FHAD1: variants seen among roughly 807,000 people sequenced by gnomAD.
FHAD1 encodes the protein forkhead-associated domain-containing protein 1.
A neutral mutation model predicts 191.3 loss-of-function variants in FHAD1; 146 were observed. The ratio of observed to expected loss-of-function variants is 0.76; its 90% CI spans 0.67 to 0.88. FHAD1 has a LOEUF of 0.88. Among genes scored for constraint, FHAD1 ranks in the 40% least tolerant of loss-of-function variants. The pLI, the probability that FHAD1 is intolerant of heterozygous loss-of-function variation, is 0.00. For synonymous variants in FHAD1, 616 were observed against 672.3 expected (o/e 0.92, Z 1.29); for missense variants, 1,635 against 1,785.8 (o/e 0.92, Z 1.52).
At chr1:15,308,509 A>G (rs540318767) in intron 6 of FHAD1, 104 bp from the exon 7 acceptor site, 1 of 1,474,114 alleles carries the variant, frequency 6.8e-7, no homozygotes, top group African/African-American at 1.4e-5. Context: ...CCAACACCCC[A>G]GCCAAAACTC....
In FHAD1 at chr1:15,330,929, A is replaced by G. The variant is rs533711326; in HGVS notation, c.1906+1388A>G. The stretch of plus-strand genomic sequence containing the variant: ...AGGGTGGGCAGCATGGTGCCCCAGG[A>G]GCCACTTGGCGGGCTGCCGTAAGAG... On this transcript the variant is annotated intron_variant, in intron 14 of 33. Coordinates refer to ENST00000688493, the MANE Select transcript of FHAD1 (RefSeq NM_001391957.1). Among the ~76,000 whole-genome samples the G allele has an allele frequency of 1.2e-4, 19 of 152,214 alleles. 1 individual carries two copies. Among genetic ancestry groups the G allele is most frequent in the Admixed American group, 9.8e-4 (15 of 15,296 alleles).
intron 5 of FHAD1, among the ~76,000 whole-genome samples, chr1:15,297,084 C>T (rs992887942): frequency 6.6e-6 from 1 of 152,200 alleles, no homozygotes; most frequent in African/African-American, 2.4e-5. Flanking sequence ...CATCACTTAA[C>T]AATGAGGAAA....
At chr1:15,286,333 T>C (rs910319471) in intron 3 of FHAD1, among the ~76,000 whole-genome samples, 3 of 152,000 alleles carry the variant, frequency 2.0e-5, no homozygotes, top group African/African-American at 7.3e-5. Flanking sequence ...CAAAACCCCA[T>C]TTCTACAAAA....
At chr1:15,297,054 A>C (rs977389128) in intron 5 of FHAD1, among the ~76,000 whole-genome samples, 2 of 152,224 alleles carry the variant, frequency 1.3e-5, no homozygotes, top group African/African-American at 4.8e-5. Flanking sequence ...GCTGTCTTCA[A>C]AATAGGTTTT....
At chr1:15,245,409 T>G (rs1645897197), upstream of FHAD1, among the ~76,000 whole-genome samples, 1 of 152,246 alleles carries the variant, frequency 6.6e-6, no homozygotes, top group African/African-American at 2.4e-5. Context: ...TTATTAGATT[T>G]CATGGTGGTT....
intron 22 of FHAD1, among the ~76,000 whole-genome samples, chr1:15,360,955 C>T (rs1694599770): frequency 6.6e-6 from 1 of 152,190 alleles, no homozygotes; most frequent in Non-Finnish European, 1.5e-5. Context: ...GACACACAGG[C>T]TACCGGGGCT....
At position 15,369,157 on chromosome 1, in the gene FHAD1, C is replaced by G. The variant is rs12758011; in HGVS notation, c.3315-213C>G. On this transcript the variant is annotated intron_variant, in intron 25 of 33. Transcript: ENST00000688493. ...AGCCACAGCAGGTGTCTTCAGCCCCCGTGCAGGAACCAAGGGCAGGTGTTC... is the reference window on the plus strand; with the variant it reads ...AGCCACAGCAGGTGTCTTCAGCCCCGGTGCAGGAACCAAGGGCAGGTGTTC... Among the ~76,000 whole-genome samples the G allele has an allele frequency of 2.4e-3, 369 of 152,282 alleles. 1 individual carries two copies. The highest frequency in any genetic ancestry group is 3.7e-3 in the Admixed American group (56 of 15,296).
At position 15,309,931 on chromosome 1, in the gene FHAD1, C is replaced by T. The variant is rs182564601; in HGVS notation, c.1039+1195C>T. Among the ~76,000 whole-genome samples, 380 of 152,094 alleles carry T rather than the reference C, an allele frequency of 2.5e-3. 6 individuals are homozygous for T. In the East Asian group the frequency reaches 0.028, roughly 11 times the overall value. On this transcript the variant is annotated intron_variant, in intron 7 of 33. Coordinates refer to ENST00000688493, the MANE Select transcript of FHAD1 (RefSeq NM_001391957.1). ...GCCACGGTGTTGGATCAACTGCCGG[C>T]GAGTGTGGCTGGAGTCAGGGAACAA... is the stretch of plus-strand genomic sequence containing the variant.
At chr1:15,333,877 G>C (rs1424070992) in intron 14 of FHAD1, among the ~76,000 whole-genome samples, 1 of 116,312 alleles carries the variant, frequency 8.6e-6, no homozygotes, top group East Asian at 2.7e-4. Context: ...TTGTTGCCCA[G>C]ACTGGAGTGC....
chr1:15,325,722 G>A lies in FHAD1; in HGVS notation c.1473+1163G>A, dbSNP rs1164356196. 1 of 152,372 alleles carries A rather than the reference G, an allele frequency of 6.6e-6. No homozygotes were observed. Among genetic ancestry groups the A allele is most frequent in the African/African-American group, 2.4e-5 (1 of 41,436 alleles). 9.4% of individuals were successfully genotyped at this position (152,372 alleles called of 1,614,324 possible). ...CCCAAGGGCCAAGGTTCTTGTTATA[G>A]CTCTGGGCAGAGGTCATCCAGGAGG... is the stretch of plus-strand genomic sequence containing the variant. On this transcript the variant is annotated intron_variant, in intron 11 of 33. Transcript: ENST00000688493. The surrounding 1 kb of genome is among the most constrained non-coding windows in gnomAD (Gnocchi z 4.6).
intron 3 of FHAD1, among the ~76,000 whole-genome samples, chr1:15,274,336 G>A (rs1657406333): frequency 6.6e-6 from 1 of 152,170 alleles, no homozygotes; most frequent in African/African-American, 2.4e-5. Flanking sequence ...GGCCAGGCAT[G>A]GTGGCTCACA....
At chr1:15,292,144 TTTTCTTTTTTTC>T (rs1338849491) in intron 4 of FHAD1, among the ~76,000 whole-genome samples, 1 of 145,020 alleles carries the variant, frequency 6.9e-6, no homozygotes, top group African/African-American at 2.9e-5. Flanking sequence ...CCTTCTTTTC[TTTTCTTTTTTTC>T]TTTCTTTTAG....
chr1:15,391,211 G>C lies in FHAD1; in HGVS notation c.4271G>C (p.Arg1424Thr), dbSNP rs1429170656. Reference sequence around the variant, plus strand: ...GTTCTTATTCTTTCTGTATTGAAGAGACGAGTATTTGTAGAGATGGTGAAG... The same window carrying C: ...GTTCTTATTCTTTCTGTATTGAAGACACGAGTATTTGTAGAGATGGTGAAG... ...NCAFKEKDRQ[R>T]RVFVEMVKNR... The change falls in exon 33 of 34, where the codon AGA becomes ACA. Residue 1424 changes from arginine to threonine, a missense_variant and splice_region_variant. By Grantham distance (71) the Arg-to-Thr change is moderately conservative. Coordinates refer to ENST00000688493, the MANE Select transcript of FHAD1 (RefSeq NM_001391957.1). 7.8e-7 allele frequency: 1 copy of C among 1,285,308 alleles called. No individual in the cohort carries two copies. Among genetic ancestry groups the C allele is most frequent in the Non-Finnish European group, 1.0e-6 (1 of 985,998 alleles). 79.6% of individuals were successfully genotyped at this position (1,285,308 alleles called of 1,614,324 possible).
chr1:15,296,724 C>G lies in FHAD1; in HGVS notation c.609C>G (p.Ala203=). The change falls in exon 5 of 34, where the codon GCC becomes GCG. Residue 203 remains alanine, a synonymous_variant. Transcript: ENST00000688493. ...TGAAACTGTCAGAAAAATCAGTGGC[C>G]GAGGGGATTCCTGGGGCAGTTCCCC... ...NAMKLSEKSV[A]EGIPGAVPPA... The G allele has an allele frequency of 6.4e-7, 1 of 1,551,960 alleles. No individual in the cohort carries two copies. Among genetic ancestry groups the G allele is most frequent in the East Asian group, 2.4e-5 (1 of 40,914 alleles).
At chr1:15,389,447 C>CAAAAAAAAAAAAAAAAAAA (rs570569622) in intron 32 of FHAD1, among the ~76,000 whole-genome samples, 1,095 of 54,100 alleles carry the variant, frequency 0.02, 78 homozygotes, top group Non-Finnish European at 0.027. Flanking sequence ...GAACCTGTCT[C>CAAAAAAAAAAAAAAAAAAA]AAAAAAAAAA....
intron 3 of FHAD1, among the ~76,000 whole-genome samples, chr1:15,273,042 C>T (rs1472423033): frequency 6.6e-6 from 1 of 152,106 alleles, no homozygotes; most frequent in East Asian, 1.9e-4. Context: ...GAAGTCCGAG[C>T]CAGTGTTTCC....
intron 2 of FHAD1, among the ~76,000 whole-genome samples, chr1:15,256,764 G>A (rs1648373178): frequency 6.6e-6 from 1 of 152,022 alleles, no homozygotes; most frequent in Non-Finnish European, 1.5e-5. Flanking sequence ...GACTTGTAGG[G>A]CAGCCAGAAT....
intron 6 of FHAD1, 87 bp downstream of exon 6, chr1:15,301,528 G>A: frequency 1.8e-6 from 2 of 1,122,470 alleles, no homozygotes; most frequent in South Asian, 1.5e-5. Flanking sequence ...GCCACCCAGA[G>A]TTAGGGAACG....
At chr1:15,339,920 G>C (rs1685839742) in intron 15 of FHAD1, among the ~76,000 whole-genome samples, 1 of 152,118 alleles carries the variant, frequency 6.6e-6, no homozygotes, top group African/African-American at 2.4e-5. Context: ...CTGCCTCCCG[G>C]GTTCAAGTGA....
Sources: allele counts gnomAD v4.1 joint callset (sites outside exome capture counted in the v4.1 genomes callset), GRCh38; gene constraint gnomAD v4.1.1; non-coding constraint Gnocchi (gnomAD v3.1); transcripts MANE v1.5; gene names NCBI Gene and HGNC (gene_info 2026-07-23, HGNC 2026-07-21).